Variants in USH2A observed in about 807,000 individuals in gnomAD.
USH2A encodes the protein Usher syndrome 2A (autosomal recessive, mild).
A neutral mutation model predicts 538.9 loss-of-function variants in USH2A; 443 were observed. The ratio of observed to expected loss-of-function variants is 0.82; its 90% confidence interval spans 0.76 to 0.89. The LOEUF is 0.89. USH2A is among the 40% of genes least tolerant of loss of function. The probability of loss-of-function intolerance (pLI) is 0.00; values close to 1 mark genes in which losing one functional copy is unlikely to be tolerated. For missense variants in USH2A, 6,633 were observed against 6,324.8 expected, an observed-to-expected ratio of 1.05 and a Z score of -1.65; for synonymous variants, 2,413 against 2,273.5, an observed-to-expected ratio of 1.06 and a Z score of -1.75.
chr1:216,304,296 T>C (rs903512605), intron 9 of USH2A, among the ~76,000 whole-genome samples: 1 of 152,024 alleles, frequency 6.6e-6, no homozygotes, highest in African/African-American at 2.4e-5. Context: ...TTTGGTACTA[T>C]GTGTACTATG....
Position 216,073,143 on chromosome 1 carries a change from C to T in USH2A, c.5730G>A (p.Gln1910=), listed in dbSNP as rs1024370749. Residue 1910 remains glutamine, a synonymous_variant, in exon 28 of 72, where the codon CAG becomes CAA. Transcript: ENST00000307340. ...CCTCGTAAACACTCTGCTCTTTTCC[C>T]TGGTAAACCAGGATGGAGTCATTTC... The part of the protein sequence containing the change: ...CRGNDSILVY[Q]GKEQSVYEGG... 6.2e-7 allele frequency: 1 copy of T among 1,613,908 alleles called. No homozygotes were observed. Among genetic ancestry groups the T allele is most frequent in the African/African-American group, 1.3e-5 (1 of 75,018 alleles).
At chr1:216,013,686 A>G (rs1450723121) in intron 32 of USH2A, among the ~76,000 whole-genome samples, 1 of 145,150 alleles carries the variant, frequency 6.9e-6, no homozygotes, top group African/African-American at 2.6e-5. Context: ...TCTGGCCTCC[A>G]GAGAACAACC....
At chr1:215,695,498 C>A (rs937066348) in intron 61 of USH2A, among the ~76,000 whole-genome samples, 3 of 151,534 alleles carry the variant, frequency 2.0e-5, no homozygotes, top group African/African-American at 7.3e-5. Flanking sequence ...TAAAAAAAAA[C>A]AACCAGATTC....
chr1:216,295,925 A>C (rs1481328534), intron 9 of USH2A, among the ~76,000 whole-genome samples: 1 of 152,036 alleles, frequency 6.6e-6, no homozygotes, highest in Non-Finnish European at 1.5e-5. Flanking sequence ...ATATTTCATA[A>C]TCATCATTGG....
In USH2A at chr1:216,089,093, T is replaced by C. The variant is rs773596825; in HGVS notation, c.4805A>G (p.Tyr1602Cys). 1.2e-6 allele frequency: 2 copies of C among 1,613,446 alleles called. No homozygotes were observed. Among genetic ancestry groups the C allele is most frequent in the Admixed American group, 3.3e-5 (2 of 59,992 alleles). The change falls in exon 23 of 72, where the codon TAT (tyrosine) becomes TGT (cysteine). Residue 1602 changes from tyrosine to cysteine, a missense_variant. By Grantham distance (194) the Tyr-to-Cys change is radical. Coordinates refer to ENST00000307340, the MANE Select transcript of USH2A (RefSeq NM_206933.4). ...VTTTNDHGKQ[Y>C]SDGKWHEIIA... ...TATTTCATGCCATTTTCCATCACTA[T>C]ATTGTTTGCCATGATCATTAGTTGT...
At chr1:216,078,652 A>T (rs1037957362) in intron 26 of USH2A, among the ~76,000 whole-genome samples, 1 of 152,184 alleles carries the variant, frequency 6.6e-6, no homozygotes, top group African/African-American at 2.4e-5. Context: ...TTGCTGCAAC[A>T]TAGTTAGAAG....
intron 58 of USH2A, 111 bp downstream of exon 58, chr1:215,758,484 G>A: frequency 7.4e-7 from 1 of 1,354,088 alleles, no homozygotes; most frequent in Non-Finnish European, 1.0e-6. Context: ...ATTTATCCAG[G>A]AGACCGACTA....
At chr1:216,248,869 C>G (rs528806595) in intron 12 of USH2A, among the ~76,000 whole-genome samples, 1 of 152,206 alleles carries the variant, frequency 6.6e-6, no homozygotes, top group South Asian at 2.1e-4. Flanking sequence ...TCGGTGTTAA[C>G]AAGTACAGGC....
chr1:216,165,511 T>C (rs2034149144), intron 21 of USH2A, among the ~76,000 whole-genome samples: 1 of 152,170 alleles, frequency 6.6e-6, no homozygotes, highest in Non-Finnish European at 1.5e-5. Context: ...CTTACACATC[T>C]AAGGCCAATA....
At chr1:216,082,676 G>A (rs1346733342) in intron 26 of USH2A, among the ~76,000 whole-genome samples, 2 of 152,068 alleles carry the variant, frequency 1.3e-5, no homozygotes, top group Non-Finnish European at 2.9e-5. Context: ...AGGAAAAGCA[G>A]TTACAGTTGC....
chr1:215,648,597 C>A lies in USH2A; in HGVS notation c.14513G>T (p.Gly4838Val), dbSNP rs41315587. ...PPSGLSSPQI[G>V]TLASRTASFR... ...GGAGGCCGTCCTTGAGGCCAGCGTCCCGATTTGTGGAGAGGACAGTCCTGA... is the reference window on the plus strand; with the variant it reads ...GGAGGCCGTCCTTGAGGCCAGCGTCACGATTTGTGGAGAGGACAGTCCTGA... Residue 4838 changes from glycine (G) to valine (V), a missense_variant, in exon 66 of 72, where the codon GGG becomes GTG. By Grantham distance (109) the Gly-to-Val change is moderately radical (BLOSUM62 -3). Coordinates refer to ENST00000307340, the MANE Select transcript of USH2A (RefSeq NM_206933.4). 7.4e-6 allele frequency: 12 copies of A among 1,614,008 alleles called. No homozygotes were observed. The African/African-American group carries it at 1.2e-4, about 16-fold the overall frequency.
At chr1:215,963,036 A>G (rs1183916144) in intron 37 of USH2A, among the ~76,000 whole-genome samples, 1 of 152,154 alleles carries the variant, frequency 6.6e-6, no homozygotes, top group East Asian at 1.9e-4. Context: ...GCTTTGAACT[A>G]GCTGAATTTC....
At chr1:216,188,094 C>T (rs1383587212) in intron 20 of USH2A, among the ~76,000 whole-genome samples, 1 of 151,922 alleles carries the variant, frequency 6.6e-6, no homozygotes, top group Non-Finnish European at 1.5e-5. Flanking sequence ...GTTAGTTTTA[C>T]TTCACAATCC....
At chr1:216,116,416 C>T (rs11510092) in intron 21 of USH2A, among the ~76,000 whole-genome samples, 4 of 151,864 alleles carry the variant, frequency 2.6e-5, no homozygotes, top group Admixed American at 1.3e-4. Flanking sequence ...GCTGAGTGAC[C>T]TTGACCTTGG....
intron 61 of USH2A, among the ~76,000 whole-genome samples, chr1:215,725,183 T>C (rs961685220): frequency 1.8e-4 from 27 of 152,064 alleles, no homozygotes; most frequent in Admixed American, 3.3e-4. Flanking sequence ...CTAAAAATAG[T>C]GTTTTTAGTA....
chr1:215,878,777 C>T lies in USH2A; in HGVS notation c.8545G>A (p.Gly2849Arg), dbSNP rs1338775991. ...ACCTTCTCTTACCTCAAATTAGGTC[C>T]ATTTGGCTTGGATGGTGGTTGCCAA... Reference protein sequence around the residue: ...ISWQPPSKPNGPNLRYELLRR... With the variant: ...ISWQPPSKPNRPNLRYELLRR... The change falls in exon 42 of 72, where the codon GGA becomes AGA. Residue 2849 changes from glycine to arginine, a missense_variant. Transcript: ENST00000307340. 6.2e-7 allele frequency: 1 copy of T among 1,613,908 alleles called. No individual in the cohort carries two copies. Among genetic ancestry groups the T allele is most frequent in the South Asian group, 1.1e-5 (1 of 91,046 alleles).
chr1:215,802,570 A>G (rs1662368421), intron 49 of USH2A, among the ~76,000 whole-genome samples: 1 of 152,152 alleles, frequency 6.6e-6, no homozygotes, highest in Non-Finnish European at 1.5e-5. Flanking sequence ...ATGAGATACC[A>G]CTTGATACTC....
At chr1:216,229,808 TGTTCCTGGACTAAAGTAAG>T (rs377527937) in intron 14 of USH2A, among the ~76,000 whole-genome samples, 93 of 152,302 alleles carry the variant, frequency 6.1e-4, no homozygotes, top group African/African-American at 2.1e-3. Flanking sequence ...AAGCAATTCT[TGTTCCTGGACTAAAGTAAG>T]GTGGGGAGTG....
intron 21 of USH2A, among the ~76,000 whole-genome samples, chr1:216,100,623 A>AGT (rs2032554709): frequency 6.6e-6 from 1 of 152,218 alleles, no homozygotes. Context: ...ACTCTCTACC[A>AGT]GTGTGTTGGA....
Sources: allele counts gnomAD v4.1 joint callset (sites outside exome capture counted in the v4.1 genomes callset), GRCh38; gene constraint gnomAD v4.1.1; transcripts MANE v1.5; gene names NCBI Gene and HGNC (gene_info 2026-07-23, HGNC 2026-07-21).